CSMD1: variants seen among roughly 807,000 people sequenced by gnomAD.
CSMD1 encodes the protein CUB and sushi domain-containing protein 1.
Under a neutral mutation model 417.5 loss-of-function variants are expected in CSMD1, and 213 were observed. The observed-to-expected ratio is 0.51, with a 90% CI of 0.46 to 0.57. CSMD1 has a LOEUF of 0.57. CSMD1 is among the 20% of genes least tolerant of loss of function. The pLI, the probability that CSMD1 is intolerant of heterozygous loss-of-function variation, is 0.00. For missense variants in CSMD1, 6,923 were observed against 4,529.7 expected (o/e 1.53, Z -15.17); for synonymous variants, 2,862 against 1,736.8 (o/e 1.65, Z -16.11).
chr8:4,415,370 T>C (rs1379976051), intron 3 of CSMD1, among the ~76,000 whole-genome samples: 1 of 152,190 alleles, frequency 6.6e-6, no homozygotes, highest in Non-Finnish European at 1.5e-5. Flanking sequence ...CCTTCTGTTG[T>C]CTCTCTTCCT....
chr8:3,975,162 T>A (rs901109444), intron 5 of CSMD1, among the ~76,000 whole-genome samples: 3 of 152,214 alleles, frequency 2.0e-5, no homozygotes, highest in Non-Finnish European at 4.4e-5. Context: ...ATGCCTCATC[T>A]TACAGTATGA....
chr8:4,643,041 TG>T (rs1290715722), intron 1 of CSMD1, among the ~76,000 whole-genome samples: 1 of 152,204 alleles, frequency 6.6e-6, no homozygotes, highest in Non-Finnish European at 1.5e-5. Flanking sequence ...TCTCCAACTC[TG>T]GGGCCTGATA....
At chr8:3,165,668 G>A (rs1302718782) in intron 37 of CSMD1, among the ~76,000 whole-genome samples, 5 of 151,980 alleles carry the variant, frequency 3.3e-5, no homozygotes, top group East Asian at 1.9e-4. Context: ...TCCTGACCTC[G>A]TGATCCACCT....
intron 3 of CSMD1, among the ~76,000 whole-genome samples, chr8:4,033,788 T>G (rs528816934): frequency 6.6e-6 from 1 of 152,222 alleles, no homozygotes; most frequent in African/African-American, 2.4e-5. Context: ...TTCCTTGATA[T>G]GATTCTCTAT....
intron 3 of CSMD1, among the ~76,000 whole-genome samples, chr8:4,167,399 G>A (rs1028610851): frequency 6.6e-6 from 1 of 152,076 alleles, no homozygotes; most frequent in Non-Finnish European, 1.5e-5. Context: ...AATTTCATAG[G>A]CTAAAGTGTT....
At chr8:3,962,443 G>A (rs1563258624) in intron 5 of CSMD1, among the ~76,000 whole-genome samples, 1 of 152,320 alleles carries the variant, frequency 6.6e-6, no homozygotes, top group African/African-American at 2.4e-5. Flanking sequence ...GCTGGGTGAT[G>A]TGAGAGGGAG....
At chr8:3,970,561 C>T (rs1416701605) in intron 5 of CSMD1, among the ~76,000 whole-genome samples, 1 of 152,068 alleles carries the variant, frequency 6.6e-6, no homozygotes, top group Non-Finnish European at 1.5e-5. Context: ...TAGTGATTTG[C>T]AACGGAAATG....
At chr8:4,261,163 G>A (rs13270278) in intron 3 of CSMD1, among the ~76,000 whole-genome samples, 1 of 152,110 alleles carries the variant, frequency 6.6e-6, no homozygotes, top group Non-Finnish European at 1.5e-5. Context: ...CTTGAAAGTT[G>A]TCTATTCTGC....
At chr8:3,416,348 G>C (rs1813151467) in intron 12 of CSMD1, among the ~76,000 whole-genome samples, 1 of 139,836 alleles carries the variant, frequency 7.2e-6, no homozygotes, top group South Asian at 2.4e-4. Context: ...ATATAGTTTA[G>C]AAAACTGGCC....
chr8:3,669,998 T>C (rs1419187142), intron 7 of CSMD1, among the ~76,000 whole-genome samples: 1 of 152,208 alleles, frequency 6.6e-6, no homozygotes, highest in East Asian at 1.9e-4. Context: ...TGCAATTGCA[T>C]ACATTTCTAA....
intron 3 of CSMD1, among the ~76,000 whole-genome samples, chr8:4,278,825 T>C (rs1796627593): frequency 2.0e-5 from 3 of 152,156 alleles, no homozygotes; most frequent in Non-Finnish European, 2.9e-5. Context: ...GCTCTTGGAG[T>C]ATTTATAGGA....
chr8:3,968,626 T>A (rs1040164779), intron 5 of CSMD1, among the ~76,000 whole-genome samples: 11 of 152,318 alleles, frequency 7.2e-5, no homozygotes, highest in Admixed American at 2.6e-4. Flanking sequence ...TTTCTCTACA[T>A]AGAACACAGT....
chr8:3,665,146 A>G (rs1798618135), intron 7 of CSMD1, among the ~76,000 whole-genome samples: 1 of 152,194 alleles, frequency 6.6e-6, no homozygotes, highest in Non-Finnish European at 1.5e-5. Context: ...TTGTATCATG[A>G]GCATTGACCA....
intron 1 of CSMD1, among the ~76,000 whole-genome samples, chr8:4,694,186 T>C (rs970412693): frequency 2.6e-5 from 4 of 152,136 alleles, no homozygotes; most frequent in Admixed American, 6.5e-5. Context: ...CCTTCTGCTC[T>C]CTGAAATAAA....
At chr8:4,337,933 A>T (rs1001335236) in intron 3 of CSMD1, among the ~76,000 whole-genome samples, 1 of 152,174 alleles carries the variant, frequency 6.6e-6, no homozygotes, top group Non-Finnish European at 1.5e-5. Context: ...TTATCATTTA[A>T]TGATATCGCA....
In CSMD1 at chr8:4,074,595, C is replaced by A. The variant is rs551465974; in HGVS notation, c.416-42496G>T. 5.3e-5 allele frequency among the ~76,000 whole-genome samples: 8 copies of A among 152,130 alleles called. No individual in the cohort carries two copies. In the South Asian group the frequency reaches 1.4e-3, roughly 28 times the overall value. ...CGACATAAATTATTCTACCACAAAT[C>A]ATTTCAAACTACTGTCCTACATTTG... is the stretch of plus-strand genomic sequence containing the variant. On this transcript the variant is annotated intron_variant, in intron 3 of 69. Transcript: ENST00000635120.
intron 62 of CSMD1, 124 bp from the exon 63 acceptor site, chr8:2,957,931 C>T: frequency 1.5e-6 from 1 of 662,226 alleles, no homozygotes; most frequent in East Asian, 2.7e-5. Context: ...AATGTCAAGC[C>T]ACTGTCTAAG....
At chr8:3,340,019 C>T (rs977341407) in intron 23 of CSMD1, among the ~76,000 whole-genome samples, 8 of 152,154 alleles carry the variant, frequency 5.3e-5, no homozygotes, top group South Asian at 2.1e-4. Context: ...GTATTTATTC[C>T]GATTTGGCCC....
intron 3 of CSMD1, among the ~76,000 whole-genome samples, chr8:4,182,882 C>A (rs1474896788): frequency 6.6e-6 from 1 of 151,986 alleles, no homozygotes; most frequent in African/African-American, 2.4e-5. Context: ...GAGTCTAGAA[C>A]TGTATGTTTG....
Sources: gnomAD v4.1 joint callset for allele counts (sites outside exome capture counted in the v4.1 genomes callset) on GRCh38, gnomAD v4.1.1 for gene constraint, MANE v1.5 for transcripts, NCBI Gene and HGNC (gene_info 2026-07-23, HGNC 2026-07-21) for gene names.